PTPRD: variants seen among roughly 807,000 people sequenced by gnomAD.
PTPRD encodes the protein protein tyrosine phosphatase receptor type D.
In PTPRD, 34 loss-of-function variants were observed where a neutral mutation model predicts 214.5. That is an observed-to-expected ratio of 0.16 (90% CI 0.12 to 0.21). The LOEUF (loss-of-function observed/expected upper bound fraction) is 0.21. PTPRD is among the 10% of genes least tolerant of loss of function. The pLI is 1.00. For missense variants in PTPRD, 2,545 were observed against 2,398.7 expected (o/e 1.06, Z -1.27); for synonymous variants, 1,128 against 845.7 (o/e 1.33, Z -5.79).
At chr9:10,459,820 A>T (rs193129742) in intron 2 of PTPRD, among the ~76,000 whole-genome samples, 3 of 152,060 alleles carry the variant, frequency 2.0e-5, no homozygotes, top group Admixed American at 6.5e-5. Context: ...AGATGGATAG[A>T]TTGCAAAATA....
intron 10 of PTPRD, among the ~76,000 whole-genome samples, chr9:9,177,215 C>G (rs530183232): frequency 1.3e-5 from 2 of 151,968 alleles, no homozygotes; most frequent in African/African-American, 4.8e-5. Flanking sequence ...GAAAACAGCC[C>G]CTTATAAAAC....
intron 2 of PTPRD, among the ~76,000 whole-genome samples, chr9:10,547,503 C>A (rs1453467444): frequency 3.3e-5 from 5 of 151,974 alleles, no homozygotes; most frequent in African/African-American, 1.2e-4. Flanking sequence ...GTGTTTAGAG[C>A]AACTTTGACC....
intron 11 of PTPRD, among the ~76,000 whole-genome samples, chr9:8,880,681 A>T (rs986084646): frequency 1.3e-5 from 2 of 152,140 alleles, no homozygotes; most frequent in African/African-American, 4.8e-5. Context: ...GCAAGAAGCG[A>T]TTATTCATAT....
intron 11 of PTPRD, among the ~76,000 whole-genome samples, chr9:8,900,555 A>G (rs1280460955): frequency 6.6e-6 from 1 of 152,236 alleles, no homozygotes; most frequent in African/African-American, 2.4e-5. Context: ...CTGTTTGCCC[A>G]GAATTTGACC....
At chr9:9,412,807 A>T (rs1485590237) in intron 8 of PTPRD, among the ~76,000 whole-genome samples, 1 of 152,066 alleles carries the variant, frequency 6.6e-6, no homozygotes, top group African/African-American at 2.4e-5. Context: ...CAGTCTAATA[A>T]ATTATGGGCT....
chr9:10,447,352 A>G (rs1319808967), intron 2 of PTPRD, among the ~76,000 whole-genome samples: 1 of 151,928 alleles, frequency 6.6e-6, no homozygotes, highest in African/African-American at 2.4e-5. Flanking sequence ...GTCCTACACC[A>G]TCATCTTCCT....
Position 9,599,516 on chromosome 9 carries a change from G to A in PTPRD, c.-286-24735C>T, listed in dbSNP as rs1474020263. Reference sequence around the variant, plus strand: ...CCAATATCTACAGTCTCAGCTTCTGGAACTTTTTACCTTGGCTGGTGTTAC... The same window carrying A: ...CCAATATCTACAGTCTCAGCTTCTGAAACTTTTTACCTTGGCTGGTGTTAC... On this transcript the variant is annotated intron_variant, in intron 7 of 45. Transcript: ENST00000381196. Among the ~76,000 whole-genome samples the A allele has an allele frequency of 3.3e-5, 5 of 151,968 alleles. No individual in the cohort carries two copies. The South Asian group carries it at 1.0e-3, about 32-fold the overall frequency.
intron 11 of PTPRD, chr9:8,860,248 A>G (rs1252561085): frequency 6.6e-6 from 1 of 152,250 alleles, no homozygotes; most frequent in African/African-American, 2.4e-5. Flanking sequence ...CCAGCTGGTA[A>G]ATCTGACTGC....
At chr9:8,953,024 T>C (rs2099111488) in intron 11 of PTPRD, among the ~76,000 whole-genome samples, 1 of 151,996 alleles carries the variant, frequency 6.6e-6, no homozygotes, top group Non-Finnish European at 1.5e-5. Flanking sequence ...TGTTCCTCCA[T>C]TCCAACAATT....
chr9:9,302,919 G>A (rs931868765), intron 9 of PTPRD, among the ~76,000 whole-genome samples: 2 of 151,834 alleles, frequency 1.3e-5, no homozygotes, highest in East Asian at 3.9e-4. Flanking sequence ...CATTTTTGCT[G>A]AACTTGCTTC....
At position 8,533,868 on chromosome 9, in the gene PTPRD, T is replaced by G. The variant is rs146098448; in HGVS notation, c.353-5089A>C. On this transcript the variant is annotated intron_variant, in intron 14 of 45. Transcript: ENST00000381196. ...AGGTATCTCTCAATTCCTCCTGGAA[T>G]GTCATTCATTGAAATACCATTCCTC... Among the ~76,000 whole-genome samples the G allele has an allele frequency of 8.1e-4, 123 of 152,156 alleles. 2 individuals are homozygous for G. Among genetic ancestry groups the G allele is most frequent in the Non-Finnish European group, 2.9e-4 (20 of 67,938 alleles).
chr9:9,924,036 T>G (rs1251361716), intron 5 of PTPRD, among the ~76,000 whole-genome samples: 1 of 152,020 alleles, frequency 6.6e-6, no homozygotes, highest in African/African-American at 2.4e-5. Flanking sequence ...CTAACAACTT[T>G]ATAAACTTCA....
chr9:9,686,950 A>G (rs999885406), intron 7 of PTPRD, among the ~76,000 whole-genome samples: 2 of 151,734 alleles, frequency 1.3e-5, no homozygotes, highest in African/African-American at 4.8e-5. Context: ...AAAAATGTAT[A>G]AGACATTGTC....
chr9:10,136,322 T>A (rs886504705), intron 3 of PTPRD, among the ~76,000 whole-genome samples: 8 of 152,006 alleles, frequency 5.3e-5, no homozygotes, highest in African/African-American at 1.7e-4. Context: ...GCTAGATAGA[T>A]CATCAAGGCA....
At position 8,525,280 on chromosome 9, in the gene PTPRD, C is replaced by T. The variant is rs77244583; in HGVS notation, c.569-245G>A. 6.6e-4 allele frequency: 405 copies of T among 610,792 alleles called. 1 individual carries two copies. In the African/African-American group the frequency reaches 7.1e-3, roughly 11 times the overall value. 37.8% of individuals were successfully genotyped at this position (610,792 alleles called of 1,614,324 possible). On this transcript the variant is annotated intron_variant, in intron 17 of 45. Coordinates refer to ENST00000381196, the MANE Select transcript of PTPRD (RefSeq NM_002839.4). ...TCAATATCTCTTTTCCCAAGCAAGA[C>T]TTCTAGTCATAATTAACACTCTTAT...
At chr9:9,071,138 T>C (rs757358848) in intron 10 of PTPRD, among the ~76,000 whole-genome samples, 4 of 152,176 alleles carry the variant, frequency 2.6e-5, no homozygotes, top group African/African-American at 4.8e-5. Context: ...TACCTTTAAA[T>C]ACCCAGTAAA....
chr9:10,146,966 C>A (rs573105449), intron 3 of PTPRD, among the ~76,000 whole-genome samples: 1 of 152,184 alleles, frequency 6.6e-6, no homozygotes, highest in African/African-American at 2.4e-5. Flanking sequence ...TAGATCCAGA[C>A]ATGTAGGTGG....
chr9:8,528,627 T>G lies in PTPRD; in HGVS notation c.505A>C (p.Ser169Arg). ...WFKDFLPVDT[S>R]NNNGRIKQLR... ...TGCTTAATACGACCATTGTTGTTGC[T>G]TGTGTCCACAGGTAAGAAATCTTTA... Residue 169 changes from serine to arginine, a missense_variant, in exon 15 of 46, where the codon AGC (serine) becomes CGC (arginine). Transcript: ENST00000381196. 1 of 1,613,750 alleles carries G rather than the reference T, an allele frequency of 6.2e-7. No homozygotes were observed. The highest frequency in any genetic ancestry group is 8.5e-7 in the Non-Finnish European group (1 of 1,179,728).
At chr9:10,403,101 G>C (rs925076044) in intron 2 of PTPRD, among the ~76,000 whole-genome samples, 1 of 150,896 alleles carries the variant, frequency 6.6e-6, no homozygotes, top group Non-Finnish European at 1.5e-5. Context: ...ATTAGGTATA[G>C]AAATAAAGGT....
Sources: gnomAD v4.1 joint callset for allele counts (sites outside exome capture counted in the v4.1 genomes callset) on GRCh38, gnomAD v4.1.1 for gene constraint, MANE v1.5 for transcripts, NCBI Gene and HGNC (gene_info 2026-07-23, HGNC 2026-07-21) for gene names.